Variants in PPP1R1C observed in about 807,000 individuals in gnomAD.
PPP1R1C encodes the protein protein phosphatase 1 regulatory subunit 1C.
PPP1R1C carries 15 observed loss-of-function variants against 17.4 expected under a neutral mutation model. The observed-to-expected ratio is 0.86, with a 90% CI of 0.58 to 1.33. The LOEUF is 1.33. Ranked by LOEUF, PPP1R1C falls within the 40% of genes most tolerant of loss-of-function variation. The pLI is 0.00. For synonymous variants in PPP1R1C, 35 were observed against 43.1 expected (o/e 0.81, Z 0.73); for missense variants, 143 against 130.0 (o/e 1.10, Z -0.48).
chr2:181,994,466 A>G (rs962781078), intron 2 of PPP1R1C, among the ~76,000 whole-genome samples: 14 of 152,098 alleles, frequency 9.2e-5, no homozygotes, highest in Non-Finnish European at 1.9e-4. Flanking sequence ...TAGTTCTCTC[A>G]TGCTGACTTT....
intron 4 of PPP1R1C, among the ~76,000 whole-genome samples, chr2:182,094,326 T>C (rs1036559341): frequency 5.3e-5 from 8 of 152,002 alleles, no homozygotes; most frequent in African/African-American, 1.5e-4. Context: ...CCACAACACG[T>C]GGGAATTACG....
downstream of PPP1R1C, chr2:182,130,813 G>A (rs1048436668): frequency 2.0e-5 from 3 of 151,984 alleles, no homozygotes; most frequent in African/African-American, 7.3e-5. Flanking sequence ...TATTACATTG[G>A]TCCTTTATTT....
intron 2 of PPP1R1C, among the ~76,000 whole-genome samples, chr2:182,018,041 A>G (rs1686310456): frequency 6.6e-6 from 1 of 151,968 alleles, no homozygotes; most frequent in African/African-American, 2.4e-5. Context: ...AATCAATAAT[A>G]GTTATTTCTA....
chr2:182,110,071 C>T (rs1485394585), intron 4 of PPP1R1C, among the ~76,000 whole-genome samples: 1 of 151,642 alleles, frequency 6.6e-6, no homozygotes. Context: ...TACTACAATT[C>T]ACAATAATAC....
chr2:181,971,664 T>C (rs900642067), intron 1 of PPP1R1C, among the ~76,000 whole-genome samples: 11 of 152,092 alleles, frequency 7.2e-5, no homozygotes, highest in Non-Finnish European at 1.5e-4. Context: ...CCTTGAGGCA[T>C]AGATTGCCTT....
intron 1 of PPP1R1C, among the ~76,000 whole-genome samples, chr2:181,974,030 A>C (rs1195121234): frequency 6.6e-6 from 1 of 152,056 alleles, no homozygotes; most frequent in Non-Finnish European, 1.5e-5. Context: ...TATGTTAAAT[A>C]GTAGCATTTT....
intron 1 of PPP1R1C, 99 bp downstream of exon 1, chr2:181,986,290 A>C: frequency 1.1e-6 from 1 of 946,348 alleles, no homozygotes; most frequent in Non-Finnish European, 1.7e-6. Flanking sequence ...TGATTTTGCT[A>C]ACTCTGACTT....
At chr2:182,065,451 A>G (rs958418237) in intron 4 of PPP1R1C, among the ~76,000 whole-genome samples, 3 of 152,198 alleles carry the variant, frequency 2.0e-5, no homozygotes, top group African/African-American at 7.2e-5. Flanking sequence ...ATTATAAAAA[A>G]GATGAAAGAA....
At chr2:182,104,119 A>G (rs1326354905) in intron 4 of PPP1R1C, among the ~76,000 whole-genome samples, 3 of 152,168 alleles carry the variant, frequency 2.0e-5, no homozygotes, top group Admixed American at 2.0e-4. Flanking sequence ...AAATTTGAGG[A>G]TCAATTATAT....
intron 2 of PPP1R1C, among the ~76,000 whole-genome samples, chr2:182,037,147 G>A (rs1007554465): frequency 2.0e-5 from 3 of 152,138 alleles, no homozygotes; most frequent in African/African-American, 7.2e-5. Context: ...TTGTTACAAT[G>A]CCAGAATATT....
chr2:182,056,418 A>G (rs1032009135), intron 2 of PPP1R1C, among the ~76,000 whole-genome samples: 30 of 152,082 alleles, frequency 2.0e-4, no homozygotes, highest in Admixed American at 1.4e-3. Context: ...CTCTTTTTGT[A>G]TTTAGTCTGC....
At chr2:182,082,717 A>G (rs1688516568) in intron 4 of PPP1R1C, among the ~76,000 whole-genome samples, 1 of 152,176 alleles carries the variant, frequency 6.6e-6, no homozygotes, top group Admixed American at 6.5e-5. Context: ...TTAAACATTG[A>G]AGACCTAAGT....
chr2:182,077,574 G>A (rs189573132), intron 4 of PPP1R1C, among the ~76,000 whole-genome samples: 13 of 152,074 alleles, frequency 8.5e-5, no homozygotes, highest in Admixed American at 7.2e-4. Context: ...ATTTTTTCAC[G>A]TAATTATGTA....
chr2:182,087,780 G>A (rs775599837), intron 4 of PPP1R1C, among the ~76,000 whole-genome samples: 17 of 152,158 alleles, frequency 1.1e-4, no homozygotes, highest in Non-Finnish European at 1.6e-4. Flanking sequence ...TTGTTCAACC[G>A]TGACACAACT....
chr2:182,033,968 T>A (rs1018990936), intron 2 of PPP1R1C, among the ~76,000 whole-genome samples: 5 of 152,226 alleles, frequency 3.3e-5, no homozygotes. Flanking sequence ...AGTGGCTAAT[T>A]CCTCCTTTGT....
chr2:181,961,409 G>T lies in PPP1R1C; in HGVS notation n.111+6775G>T. 1 of 734,634 alleles carries T rather than the reference G, an allele frequency of 1.4e-6. No homozygotes were observed. The highest frequency in any genetic ancestry group is 2.4e-6 in the Non-Finnish European group (1 of 413,414). The allele number at this position is 734,634 out of a possible 1,614,324, so 45.5% of individuals were successfully genotyped here. ...AGAGCCTCGTACTCCCCGATCTGGT[G>T]CTGTCCCTCTGCCCGGCTCTGTGCC... On this transcript the variant is annotated intron_variant and non_coding_transcript_variant, in intron 1 of 5. Coordinates refer to the PPP1R1C transcript ENST00000464264. This position sits in a 1 kb window ranked among gnomAD's most constrained non-coding sequence, Gnocchi z 5.8.
downstream of PPP1R1C, among the ~76,000 whole-genome samples, chr2:182,121,013 T>C (rs577107827): frequency 4.6e-5 from 7 of 152,334 alleles, no homozygotes; most frequent in South Asian, 1.5e-3. Context: ...AGGAAACCAG[T>C]TGAGATAATG....
At chr2:181,973,176 C>A (rs1420568776) in intron 1 of PPP1R1C, among the ~76,000 whole-genome samples, 1 of 152,146 alleles carries the variant, frequency 6.6e-6, no homozygotes, top group African/African-American at 2.4e-5. Context: ...CCCAGACCAC[C>A]ATGACCAAGA....
At chr2:182,049,562 T>C (rs1366099944) in intron 2 of PPP1R1C, among the ~76,000 whole-genome samples, 2 of 152,042 alleles carry the variant, frequency 1.3e-5, no homozygotes, top group Non-Finnish European at 2.9e-5. Flanking sequence ...TTCAACTTAT[T>C]ACACAGAGGG....
Sources: allele counts gnomAD v4.1 joint callset (sites outside exome capture counted in the v4.1 genomes callset), GRCh38; gene constraint gnomAD v4.1.1; non-coding constraint Gnocchi (gnomAD v3.1); transcripts MANE v1.5; gene names NCBI Gene and HGNC (gene_info 2026-07-23, HGNC 2026-07-21).